The following TAFA1 variants were observed in gnomAD, a reference collection of about 807,000 sequenced individuals.
TAFA1 encodes TAFA chemokine like family member 1.
A neutral mutation model predicts 18.5 loss-of-function variants in TAFA1; 4 were observed. The ratio of observed to expected loss-of-function variants is 0.22; its 90% CI spans 0.11 to 0.49. The LOEUF (loss-of-function observed/expected upper bound fraction) is 0.49. TAFA1 is among the 20% of genes least tolerant of loss of function. TAFA1 has a pLI of 0.98. For synonymous variants in TAFA1, 56 were observed against 55.2 expected (o/e 1.01, Z -0.06); for missense variants, 147 against 169.0 (o/e 0.87, Z 0.72).
chr3:68,335,582 A>C (rs1280916459), intron 2 of TAFA1, among the ~76,000 whole-genome samples: 1 of 152,190 alleles, frequency 6.6e-6, no homozygotes, highest in African/African-American at 2.4e-5. Flanking sequence ...CAGTGGGACA[A>C]ATTTTTTTTT....
intron 4 of TAFA1, among the ~76,000 whole-genome samples, chr3:68,540,453 C>G (rs2073353402): frequency 6.6e-6 from 1 of 152,092 alleles, no homozygotes; most frequent in African/African-American, 2.4e-5. Context: ...AATCAGGTTT[C>G]CCTTTGGTTA....
At chr3:68,320,607 C>T (rs986002322) in intron 2 of TAFA1, among the ~76,000 whole-genome samples, 1 of 152,182 alleles carries the variant, frequency 6.6e-6, no homozygotes, top group African/African-American at 2.4e-5. Context: ...AGTAAACTTA[C>T]CTGCCTGGGC....
chr3:68,448,100 G>T (rs1315722804), intron 3 of TAFA1, among the ~76,000 whole-genome samples: 1 of 152,158 alleles, frequency 6.6e-6, no homozygotes, highest in Non-Finnish European at 1.5e-5. Flanking sequence ...AGTAGGGTGT[G>T]TGAGAGACAT....
intron 2 of TAFA1, among the ~76,000 whole-genome samples, chr3:68,289,526 T>G (rs73097400): frequency 0.081 from 12,068 of 149,890 alleles, 521 homozygotes; most frequent in Middle Eastern, 0.11. Context: ...TAGGAGAGGC[T>G]TATGGGCTAG....
chr3:68,433,117 A>G (rs1254565161), intron 3 of TAFA1, among the ~76,000 whole-genome samples: 1 of 151,982 alleles, frequency 6.6e-6, no homozygotes, highest in East Asian at 1.9e-4. Context: ...TGGAGCACAC[A>G]TTTCCACCAG....
intron 2 of TAFA1, among the ~76,000 whole-genome samples, chr3:68,054,783 T>C (rs1269905626): frequency 6.6e-6 from 1 of 152,230 alleles, no homozygotes; most frequent in East Asian, 1.9e-4. Flanking sequence ...TTAATATTAT[T>C]CATTCATTTG....
chr3:68,273,618 G>A (rs1039123093), intron 2 of TAFA1, among the ~76,000 whole-genome samples: 2 of 152,104 alleles, frequency 1.3e-5, no homozygotes, highest in African/African-American at 4.8e-5. Flanking sequence ...CTACTACTCT[G>A]CCTCCCTAAG....
At chr3:68,537,911 G>A (rs866958599) in intron 3 of TAFA1, among the ~76,000 whole-genome samples, 1 of 152,254 alleles carries the variant, frequency 6.6e-6, no homozygotes, top group South Asian at 2.1e-4. Context: ...ATTAACTCAA[G>A]GCTGGTCACG....
At chr3:68,130,545 T>G (rs2065523513) in intron 2 of TAFA1, among the ~76,000 whole-genome samples, 1 of 152,228 alleles carries the variant, frequency 6.6e-6, no homozygotes, top group Non-Finnish European at 1.5e-5. Flanking sequence ...AGCACAGCAC[T>G]GTGCTCCCTT....
At chr3:68,300,769 G>T (rs1281101473) in intron 2 of TAFA1, among the ~76,000 whole-genome samples, 7 of 152,156 alleles carry the variant, frequency 4.6e-5, no homozygotes, top group Admixed American at 4.6e-4. Context: ...TCTTGAGATA[G>T]TGAGTTCTCA....
chr3:68,101,496 T>C (rs2065147444), intron 2 of TAFA1, among the ~76,000 whole-genome samples: 1 of 152,074 alleles, frequency 6.6e-6, no homozygotes. Context: ...TGGAATACTA[T>C]GCAGCCATAA....
intron 2 of TAFA1, among the ~76,000 whole-genome samples, chr3:68,036,398 C>G (rs1361727213): frequency 1.4e-5 from 2 of 143,430 alleles, no homozygotes; most frequent in East Asian, 4.1e-4. Context: ...AAGACTGTGC[C>G]ACTGCACTCC....
intron 2 of TAFA1, among the ~76,000 whole-genome samples, chr3:68,022,274 A>C (rs1704706933): frequency 6.6e-6 from 1 of 152,214 alleles, no homozygotes; most frequent in African/African-American, 2.4e-5. Context: ...ACAGGAAACA[A>C]TATAAAAATG....
chr3:68,065,339 A>G (rs1228134811), intron 2 of TAFA1, among the ~76,000 whole-genome samples: 1 of 152,102 alleles, frequency 6.6e-6, no homozygotes, highest in East Asian at 1.9e-4. Context: ...CATAAATCAG[A>G]GTCTGTGATC....
At chr3:68,228,997 C>T (rs2066837599) in intron 2 of TAFA1, among the ~76,000 whole-genome samples, 2 of 152,154 alleles carry the variant, frequency 1.3e-5, no homozygotes, top group Non-Finnish European at 2.9e-5. Context: ...GATGGTTTTC[C>T]ACTCACTTCT....
chr3:68,334,191 A>G (rs1489565041), intron 2 of TAFA1, among the ~76,000 whole-genome samples: 2 of 152,224 alleles, frequency 1.3e-5, no homozygotes, highest in East Asian at 1.9e-4. Flanking sequence ...CATGCTAATC[A>G]GCTTGATTGT....
At position 68,027,270 on chromosome 3, in the gene TAFA1, G is replaced by T. The variant is rs188948512; in HGVS notation, c.118+20526G>T. ...TGAGGTAGACTATTTCAATACTGGA[G>T]AGTTGAAATTAGACTTTTCTCCCAA... On this transcript the variant is annotated intron_variant, in intron 2 of 4. Transcript: ENST00000478136. Among the ~76,000 whole-genome samples the T allele has an allele frequency of 3.1e-4, 47 of 152,260 alleles. 1 individual carries two copies. The East Asian group carries it at 8.7e-3, about 28-fold the overall frequency.
At chr3:68,501,303 C>T (rs567274337) in intron 3 of TAFA1, among the ~76,000 whole-genome samples, 50 of 151,900 alleles carry the variant, frequency 3.3e-4, no homozygotes, top group Non-Finnish European at 6.2e-4. Context: ...ATGAATACTG[C>T]GAAGTCAAAC....
intron 2 of TAFA1, chr3:68,192,484 G>A (rs1055241401): frequency 4.9e-6 from 1 of 203,286 alleles, no homozygotes; most frequent in Non-Finnish European, 1.1e-5. Context: ...CCATTATGAT[G>A]TGCCTTCATC....
Sources: gnomAD v4.1 joint callset for allele counts (sites outside exome capture counted in the v4.1 genomes callset) on GRCh38, gnomAD v4.1.1 for gene constraint, MANE v1.5 for transcripts, NCBI Gene and HGNC (gene_info 2026-07-23, HGNC 2026-07-21) for gene names.